The following VXN variants were observed in gnomAD, a reference collection of about 807,000 sequenced individuals.
VXN encodes the protein vexin.
Under a neutral mutation model 23.1 loss-of-function variants are expected in VXN, and 7 were observed. That is an observed-to-expected ratio of 0.30 (90% CI 0.17 to 0.57). The LOEUF (loss-of-function observed/expected upper bound fraction) is 0.57, where lower values mean the gene tolerates loss of function less well. Ranked by LOEUF, VXN falls within the 20% of genes least tolerant of loss-of-function variation. The pLI is 0.91. For missense variants in VXN, 238 were observed against 272.6 expected, an observed-to-expected ratio of 0.87 and a Z score of 0.89; for synonymous variants, 120 against 105.8, an observed-to-expected ratio of 1.13 and a Z score of -0.83.
Position 66,516,160 on chromosome 8 carries a change from G to A in VXN, c.*84G>A, listed in dbSNP as rs1328290545. 18 of 1,271,950 alleles carry A rather than the reference G, an allele frequency of 1.4e-5. No individual in the cohort carries two copies. The highest frequency in any genetic ancestry group is 1.8e-5 in the Non-Finnish European group (17 of 943,208). The allele number at this position is 1,271,950 out of a possible 1,614,324, so 78.8% of individuals were successfully genotyped here. A position where few individuals can be genotyped will look rare whatever the true frequency, so the allele number is the denominator to read the frequency against. ...CTTCAGGATTGAAACTGAGCCACAC[G>A]CACCTCTGCTAGTAGCTGGTCCAAA... On this transcript the variant is annotated 3_prime_UTR_variant, in exon 6 of 6. Coordinates refer to ENST00000305454, the MANE Select transcript of VXN (RefSeq NM_152765.4).
At chr8:66,496,800 G>C (rs998952832) in intron 2 of VXN, among the ~76,000 whole-genome samples, 13 of 151,950 alleles carry the variant, frequency 8.6e-5, no homozygotes, top group Admixed American at 3.3e-4. Flanking sequence ...TAGCATTCCT[G>C]ATCTAGGTGT....
intron 2 of VXN, among the ~76,000 whole-genome samples, chr8:66,498,003 A>G (rs1481633305): frequency 2.0e-5 from 3 of 152,112 alleles, no homozygotes; most frequent in Non-Finnish European, 4.4e-5. Flanking sequence ...CCCCATCTCT[A>G]CTAAAAATAC....
At position 66,507,737 on chromosome 8, in the gene VXN, G is replaced by A. The variant is rs140368971; in HGVS notation, c.280+2209G>A. On this transcript the variant is annotated intron_variant, in intron 3 of 5. Transcript: ENST00000305454. ...AAAAAGAGAGAGAGAGAGAGACTGA[G>A]CTGGGGATTGGTTCAATTCCTTCAC... Among the ~76,000 whole-genome samples, 757 of 152,010 alleles carry A rather than the reference G, an allele frequency of 5.0e-3. 9 individuals carry two copies. The highest frequency in any genetic ancestry group is 0.017 in the African/African-American group (716 of 41,422).
intron 5 of VXN, among the ~76,000 whole-genome samples, 160 bp from the exon 6 acceptor site, chr8:66,515,733 G>T (rs12545198): frequency 8.5e-5 from 13 of 152,164 alleles, no homozygotes; most frequent in Non-Finnish European, 1.6e-4. Flanking sequence ...AAGGGAAGAC[G>T]TTCCTGTGAG....
intron 4 of VXN, among the ~76,000 whole-genome samples, chr8:66,511,599 A>T (rs1381050696): frequency 6.6e-6 from 1 of 152,194 alleles, no homozygotes; most frequent in Non-Finnish European, 1.5e-5. Context: ...GCCAGAGAAA[A>T]AGCAAGGTCA....
intron 2 of VXN, among the ~76,000 whole-genome samples, chr8:66,501,749 G>A (rs1474441224): frequency 1.3e-5 from 2 of 152,146 alleles, no homozygotes; most frequent in East Asian, 3.9e-4. Context: ...TTAGAAGAGA[G>A]GCAAGGTCTC....
chr8:66,495,265 T>C (rs1320520732), intron 1 of VXN, among the ~76,000 whole-genome samples: 2 of 152,158 alleles, frequency 1.3e-5, no homozygotes, highest in African/African-American at 4.8e-5. Flanking sequence ...AATATGAAAA[T>C]GTTACATGTG....
intron 4 of VXN, among the ~76,000 whole-genome samples, chr8:66,512,300 AG>A (rs972617703): frequency 4.0e-4 from 61 of 152,262 alleles, no homozygotes; most frequent in African/African-American, 1.3e-3. Flanking sequence ...CCCAGAGATA[AG>A]GGGGTGCAAG....
intron 1 of VXN, among the ~76,000 whole-genome samples, chr8:66,495,905 C>T (rs1003200410): frequency 6.6e-6 from 1 of 152,208 alleles, no homozygotes; most frequent in Non-Finnish European, 1.5e-5. Context: ...CCGTTGAACA[C>T]TAACTCATTC....
chr8:66,515,150 C>A (rs749456816), intron 5 of VXN, among the ~76,000 whole-genome samples: 20 of 152,192 alleles, frequency 1.3e-4, no homozygotes, highest in Non-Finnish European at 2.6e-4. Context: ...CTGGTGTAAA[C>A]CAGCAAAAAT....
intron 4 of VXN, among the ~76,000 whole-genome samples, chr8:66,511,597 A>C (rs775310253): frequency 6.6e-6 from 1 of 152,230 alleles, no homozygotes; most frequent in Non-Finnish European, 1.5e-5. Flanking sequence ...GAGCCAGAGA[A>C]AAAGCAAGGT....
At position 66,496,475 on chromosome 8, in the gene VXN, C is replaced by T. The variant is rs571912647; in HGVS notation, c.109C>T (p.His37Tyr). 5.1e-5 allele frequency: 83 copies of T among 1,614,046 alleles called. No individual in the cohort carries two copies. In the South Asian group the frequency reaches 8.9e-4, roughly 17 times the overall value. The change falls in exon 2 of 6, where the codon CAC becomes TAC. Residue 37 changes from histidine to tyrosine, a missense_variant. Around this residue, in one of 2 missense-constraint regions of VXN, gnomAD observed 223 missense variants for 236.9 expected, o/e 0.94. Coordinates refer to ENST00000305454, the MANE Select transcript of VXN (RefSeq NM_152765.4). ...CAGAAGAAGAGCCAAAAGCTCTCAG[C>T]ACCTCTTGACCAAGAATGTAAGGAA... ...PARRRAKSSQHLLTKNVVIES... is the reference protein window; with the variant it reads ...PARRRAKSSQYLLTKNVVIES...
rs1807894971 is a variant in VXN at position 66,516,288 on chromosome 8, C to G, written c.*212C>G. On this transcript the variant is annotated 3_prime_UTR_variant, in exon 6 of 6. Transcript: ENST00000305454. ...CTGCCCCTTCTTAGAATTGCTAAAG[C>G]CATTGGTCTGAAAGTGACTTTGGGA... 2.5e-6 allele frequency: 1 copy of G among 403,542 alleles called. No homozygotes were observed. Among genetic ancestry groups the G allele is most frequent in the Admixed American group, 4.4e-5 (1 of 22,808 alleles). The allele number at this position is 403,542 out of a possible 1,614,324, so 25.0% of individuals were successfully genotyped here. A position where few individuals can be genotyped will look rare whatever the true frequency, so the allele number is the denominator to read the frequency against.
At chr8:66,496,552 GCTT>G (rs1177323398) in intron 2 of VXN, 60 bp downstream of exon 2, 10 of 1,507,556 alleles carry the variant, frequency 6.6e-6, no homozygotes, top group Admixed American at 1.7e-5. Context: ...GCAATGCCAG[GCTT>G]CTTCTTCACT....
At chr8:66,495,317 G>A (rs1807614052) in intron 1 of VXN, among the ~76,000 whole-genome samples, 1 of 152,136 alleles carries the variant, frequency 6.6e-6, no homozygotes. Context: ...AATTTTTAAA[G>A]GAAGAAAAAG....
At chr8:66,494,259 G>A (rs1213674946) in intron 1 of VXN, among the ~76,000 whole-genome samples, 2 of 152,160 alleles carry the variant, frequency 1.3e-5, no homozygotes, top group Non-Finnish European at 2.9e-5. Context: ...CGGAACTAAT[G>A]CTGCCAGAGA....
rs750145124 is a variant in VXN at position 66,493,613 on chromosome 8, T to G, written c.-36T>G. ...GACTAGGGGTCCAGAGACAGAGGCC[T>G]CCAGTTCCCAGGCACTTCGGGAAGA... On this transcript the variant is annotated 5_prime_UTR_variant, in exon 1 of 6. Coordinates refer to ENST00000305454, the MANE Select transcript of VXN (RefSeq NM_152765.4). 1.4e-5 allele frequency: 22 copies of G among 1,597,330 alleles called. No individual in the cohort carries two copies. Among genetic ancestry groups the G allele is most frequent in the Admixed American group, 5.0e-5 (3 of 59,978 alleles).
chr8:66,502,918 C>T (rs1010648929), intron 2 of VXN, among the ~76,000 whole-genome samples: 1 of 151,254 alleles, frequency 6.6e-6, no homozygotes, highest in Non-Finnish European at 1.5e-5. Context: ...ATGATCAAAG[C>T]TCACTACAGC....
At chr8:66,506,118 T>C (rs1426443125) in intron 3 of VXN, among the ~76,000 whole-genome samples, 1 of 152,038 alleles carries the variant, frequency 6.6e-6, no homozygotes, top group African/African-American at 2.4e-5. Context: ...GAGGCCCTAC[T>C]GTATTCTAGA....
Sources: allele counts gnomAD v4.1 joint callset (sites outside exome capture counted in the v4.1 genomes callset), GRCh38; gene constraint gnomAD v4.1.1; regional missense constraint gnomAD v4.1.1; transcripts MANE v1.5; gene names NCBI Gene and HGNC (gene_info 2026-07-23, HGNC 2026-07-21).